The following DAB1 variants were observed in gnomAD, a reference collection of about 807,000 sequenced individuals.
DAB1 encodes the protein disabled homolog 1.
DAB1 carries 15 observed loss-of-function variants against 64.6 expected under a neutral mutation model. The ratio of observed to expected loss-of-function variants is 0.23; its 90% CI spans 0.16 to 0.36. The LOEUF (loss-of-function observed/expected upper bound fraction) is 0.36, where lower values mean the gene tolerates loss of function less well. DAB1 is among the 10% of genes least tolerant of loss of function. DAB1 has a pLI of 1.00. For synonymous variants in DAB1, 235 were observed against 251.9 expected (o/e 0.93, Z 0.64); for missense variants, 596 against 706.7 (o/e 0.84, Z 1.78).
rs183280288 is a variant in DAB1, at chr1:57,371,382, G to A, written c.-137+52548C>T. Among the ~76,000 whole-genome samples, 599 of 152,242 alleles carry A rather than the reference G, an allele frequency of 3.9e-3. 1 individual carries two copies. The highest frequency in any genetic ancestry group is 0.012 in the African/African-American group (479 of 41,532). On this transcript the variant is annotated intron_variant, in intron 1 of 14. Transcript: ENST00000371236. ...TGTACTTTTTATGTGCCAGGTAGCC[G>A]TTCAGCCAATACCAATTCAATGTCT...
chr1:58,155,899 T>C (rs542939470), intron 4 of DAB1, among the ~76,000 whole-genome samples: 88 of 152,328 alleles, frequency 5.8e-4, no homozygotes, highest in Middle Eastern at 3.4e-3. Flanking sequence ...ATTCTTCAAT[T>C]TGAGAATGAA....
In DAB1 at chr1:58,157,869, A is replaced by G. The variant is rs114741799; in HGVS notation, n.310-7281T>C. On this transcript the variant is annotated intron_variant and non_coding_transcript_variant, in intron 4 of 20. Transcript: ENST00000485760. ...ATTTGAGAATATTTATTAAATGCCTATTATGAGCTAACACTTATGGGCACT... is the reference window on the plus strand; with the variant it reads ...ATTTGAGAATATTTATTAAATGCCTGTTATGAGCTAACACTTATGGGCACT... Among the ~76,000 whole-genome samples the G allele has an allele frequency of 2.2e-3, 340 of 152,302 alleles. 1 individual carries two copies. The highest frequency in any genetic ancestry group is 7.9e-3 in the African/African-American group (328 of 41,582).
chr1:58,225,400 G>A (rs1215604214), intron 4 of DAB1, among the ~76,000 whole-genome samples: 1 of 151,988 alleles, frequency 6.6e-6, no homozygotes, highest in African/African-American at 2.4e-5. Context: ...GGAAGTCAGT[G>A]TGGCGATTCC....
chr1:58,403,578 T>C (rs530774948), intron 3 of DAB1, among the ~76,000 whole-genome samples: 15 of 152,348 alleles, frequency 9.8e-5, no homozygotes, highest in Admixed American at 3.9e-4. Context: ...ACCCAATTAA[T>C]GTCACTAGCT....
chr1:57,660,455 G>C (rs575628648), intron 6 of DAB1, among the ~76,000 whole-genome samples: 3 of 152,302 alleles, frequency 2.0e-5, no homozygotes, highest in African/African-American at 7.2e-5. Flanking sequence ...AGATACCAAG[G>C]GTAGTGGGCC....
At chr1:57,687,395 C>T (rs907889803) in intron 6 of DAB1, among the ~76,000 whole-genome samples, 2 of 151,956 alleles carry the variant, frequency 1.3e-5, no homozygotes, top group Non-Finnish European at 2.9e-5. Context: ...AGAGACAACA[C>T]AAATAAATGG....
intron 5 of DAB1, among the ~76,000 whole-genome samples, chr1:57,906,554 T>G (rs897998967): frequency 5.3e-5 from 8 of 152,108 alleles, no homozygotes; most frequent in African/African-American, 1.9e-4. Context: ...AGGCAGTTGC[T>G]ATGGTGTCAG....
intron 2 of DAB1, among the ~76,000 whole-genome samples, chr1:57,283,469 C>G (rs1443936216): frequency 6.6e-6 from 1 of 152,104 alleles, no homozygotes; most frequent in Non-Finnish European, 1.5e-5. Flanking sequence ...AATCTTGATT[C>G]TAGGTATAGA....
chr1:57,090,258 C>A (rs1653519916), intron 4 of DAB1, among the ~76,000 whole-genome samples: 2 of 152,184 alleles, frequency 1.3e-5, no homozygotes, highest in Non-Finnish European at 2.9e-5. Context: ...CCCTTAATTG[C>A]AGCAGAACAA....
intron 5 of DAB1, among the ~76,000 whole-genome samples, chr1:58,025,647 G>GTGTATATATATATATATATATA: frequency 3.1e-5 from 2 of 63,958 alleles, no homozygotes; most frequent in African/African-American, 9.9e-5. Flanking sequence ...ATATATATAT[G>GTGTATATATATATATATATATA]TGTGTATATA....
At chr1:57,156,471 C>G (rs1198511208) in intron 2 of DAB1, among the ~76,000 whole-genome samples, 3 of 152,138 alleles carry the variant, frequency 2.0e-5, no homozygotes, top group East Asian at 3.9e-4. Context: ...GATGCCAGAA[C>G]AGAGCAGACC....
intron 2 of DAB1, among the ~76,000 whole-genome samples, chr1:57,221,889 A>ATT (rs34829466): frequency 2.7e-4 from 39 of 144,798 alleles, no homozygotes; most frequent in African/African-American, 9.7e-4. Flanking sequence ...GTTAAATGTC[A>ATT]TTTTTTTTTT....
chr1:57,283,948 C>CTTCCAGAGAAGTTGTATA, intron 2 of DAB1, among the ~76,000 whole-genome samples: 1 of 152,312 alleles, frequency 6.6e-6, no homozygotes, highest in East Asian at 1.9e-4. Context: ...TATATGTCAA[C>CTTCCAGAGAAGTTGTATA]TTCCAGAGAA....
chr1:58,191,145 A>C (rs1657367975), intron 4 of DAB1, among the ~76,000 whole-genome samples: 1 of 152,244 alleles, frequency 6.6e-6, no homozygotes, highest in Non-Finnish European at 1.5e-5. Flanking sequence ...AGGTCATCAC[A>C]GGAAGGGACT....
chr1:57,183,821 C>T (rs1311522712), intron 2 of DAB1, among the ~76,000 whole-genome samples: 1 of 152,050 alleles, frequency 6.6e-6, no homozygotes, highest in African/African-American at 2.4e-5. Context: ...AGCTATACCA[C>T]AATTAAGAAT....
At chr1:58,167,566 G>A (rs1204904143) in intron 4 of DAB1, among the ~76,000 whole-genome samples, 2 of 152,156 alleles carry the variant, frequency 1.3e-5, no homozygotes, top group African/African-American at 2.4e-5. Context: ...CAAGCCAGCA[G>A]TGGCAACCTG....
chr1:57,732,251 T>C (rs1647466783), intron 6 of DAB1, among the ~76,000 whole-genome samples: 1 of 152,176 alleles, frequency 6.6e-6, no homozygotes, highest in Non-Finnish European at 1.5e-5. Flanking sequence ...TGAAAACCTC[T>C]GCCCTAGCTA....
At chr1:57,879,835 A>G (rs1049031955) in intron 1 of DAB1, among the ~76,000 whole-genome samples, 1 of 152,158 alleles carries the variant, frequency 6.6e-6, no homozygotes, top group Non-Finnish European at 1.5e-5. Context: ...TTGCAACTAT[A>G]TAAGGCAGCT....
chr1:57,466,817 C>A (rs1222726272), intron 7 of DAB1, among the ~76,000 whole-genome samples: 2 of 152,172 alleles, frequency 1.3e-5, no homozygotes, highest in Non-Finnish European at 2.9e-5. Flanking sequence ...ACCCCTAATG[C>A]TACCTGCATC....
Sources: gnomAD v4.1 joint callset for allele counts (sites outside exome capture counted in the v4.1 genomes callset) on GRCh38, gnomAD v4.1.1 for gene constraint, MANE v1.5 for transcripts, NCBI Gene and HGNC (gene_info 2026-07-23, HGNC 2026-07-21) for gene names.